The following TMC7 variants were observed in gnomAD, a reference collection of about 807,000 sequenced individuals.
The protein encoded by TMC7 is transmembrane channel-like protein 7.
Under a neutral mutation model 82.9 loss-of-function variants are expected in TMC7, and 54 were observed. The observed-to-expected ratio is 0.65, with a 90% CI of 0.52 to 0.82. TMC7 has a LOEUF of 0.82. Among genes scored for constraint, TMC7 ranks in the 40% least tolerant of loss-of-function variants. TMC7 has a pLI of 0.00. For missense variants in TMC7, 820 were observed against 901.2 expected (o/e 0.91, Z 1.15); for synonymous variants, 350 against 337.9 (o/e 1.04, Z -0.39).
chr16:19,021,314 G>A (rs1225363943), intron 3 of TMC7, among the ~76,000 whole-genome samples: 2 of 152,094 alleles, frequency 1.3e-5, no homozygotes, highest in Non-Finnish European at 2.9e-5. Context: ...ATATGTTCAG[G>A]TGATTATTTC....
chr16:19,003,426 C>G (rs2142153835), intron 1 of TMC7, among the ~76,000 whole-genome samples: 1 of 150,748 alleles, frequency 6.6e-6, no homozygotes, highest in Non-Finnish European at 1.5e-5. Context: ...AGCCCCCCTG[C>G]CCGGCCAGCC....
rs540647099 is a variant in TMC7 at position 19,045,064 on chromosome 16, A to G, written c.1455+63A>G. 98 of 1,304,756 alleles carry G rather than the reference A, an allele frequency of 7.5e-5. No individual in the cohort carries two copies. The African/African-American group carries it at 1.3e-3, about 18-fold the overall frequency. 80.8% of individuals were successfully genotyped at this position (1,304,756 alleles called of 1,614,324 possible). A position where few individuals can be genotyped will look rare whatever the true frequency, so the allele number is the denominator to read the frequency against. On this transcript the variant is annotated intron_variant, in intron 10 of 15. Transcript: ENST00000304381. ...CTTCTGGAATACAGTGTCATGGTCA[A>G]GAGAACAGCGGTTGAAGCCATGGGT... is the stretch of plus-strand genomic sequence containing the variant.
At chr16:19,051,895 CA>C in intron 13 of TMC7, 79 bp downstream of exon 13, 3 of 1,541,902 alleles carry the variant, frequency 1.9e-6, no homozygotes, top group Admixed American at 3.7e-5. Flanking sequence ...TCCGTCATAT[CA>C]CATTTTTTTT....
At chr16:19,035,489 G>A (rs1220467452) in intron 6 of TMC7, among the ~76,000 whole-genome samples, 187 bp from the exon 7 acceptor site, 1 of 152,186 alleles carries the variant, frequency 6.6e-6, no homozygotes, top group Non-Finnish European at 1.5e-5. Context: ...ATGGGTAAAA[G>A]GAAAGGATCA....
intron 1 of TMC7, among the ~76,000 whole-genome samples, chr16:18,986,388 C>A (rs2038849316): frequency 7.8e-6 from 1 of 127,482 alleles, no homozygotes; most frequent in Non-Finnish European, 1.6e-5. Flanking sequence ...GAGACTCTGT[C>A]TGAAAAAAAA....
At position 19,009,262 on chromosome 16, in the gene TMC7, G is replaced by C. The variant is rs749135812; in HGVS notation, c.158G>C (p.Arg53Thr). The change falls in exon 2 of 16, where the codon AGA (arginine) becomes ACA (threonine). Residue 53 changes from arginine (R) to threonine (T), a missense_variant. Physicochemically the swap from Arg to Thr is moderately conservative, Grantham distance 71 (BLOSUM62 -1). Coordinates refer to ENST00000304381, the MANE Select transcript of TMC7 (RefSeq NM_024847.4). The part of the protein sequence containing the change: ...LPSYRSIARR[R>T]TTVHSRDKQS... ...AGCTACCGGTCCATTGCACGTAGGA[G>C]AACGACTGTCCATTCCCGGGACAAG... 2 of 1,614,172 alleles carry C rather than the reference G, an allele frequency of 1.2e-6. No homozygotes were observed. Among genetic ancestry groups the C allele is most frequent in the Non-Finnish European group, 1.7e-6 (2 of 1,180,044 alleles).
chr16:19,040,223 G>A (rs1476601771), intron 8 of TMC7, 66 bp from the exon 9 acceptor site: 4 of 1,392,630 alleles, frequency 2.9e-6, no homozygotes, highest in South Asian at 1.5e-5. Context: ...GTTCTTTTTT[G>A]TTCTATCTAT....
Position 19,040,354 on chromosome 16 carries a change from G to C in TMC7, c.1245G>C (p.Thr415=). Residue 415 remains threonine, a synonymous_variant, in exon 9 of 16, where the codon ACG becomes ACC. Coordinates refer to ENST00000304381, the MANE Select transcript of TMC7 (RefSeq NM_024847.4). ...TGTATCTACCGTCTATTGTGATCAC[G>C]CTGGCCAATTTTATCACCCCAATGA... is the stretch of plus-strand genomic sequence containing the variant. ...FILYLPSIVI[T]LANFITPMIF... 1 of 1,613,800 alleles carries C rather than the reference G, an allele frequency of 6.2e-7. No individual in the cohort carries two copies.
intron 1 of TMC7, among the ~76,000 whole-genome samples, chr16:18,994,872 A>G (rs1412139937): frequency 6.6e-6 from 1 of 152,092 alleles, no homozygotes; most frequent in Non-Finnish European, 1.5e-5. Flanking sequence ...GTGCTGTGAG[A>G]TGGGATATTG....
At chr16:19,040,509 C>T (rs953566713) in intron 9 of TMC7, 63 bp downstream of exon 9, 1 of 1,456,564 alleles carries the variant, frequency 6.9e-7, no homozygotes, top group Non-Finnish European at 9.4e-7. Flanking sequence ...ACTCTCTTGC[C>T]CATGGCAGAC....
chr16:18,984,679 ACAG>A (rs747907680), intron 1 of TMC7: 15 of 218,144 alleles, frequency 6.9e-5, no homozygotes, highest in Non-Finnish European at 1.0e-4. Context: ...TGTGTCTAGC[ACAG>A]TGCCTGGCAT....
intron 2 of TMC7, among the ~76,000 whole-genome samples, chr16:19,014,588 C>T (rs1959578930): frequency 6.6e-6 from 1 of 152,188 alleles, no homozygotes; most frequent in Non-Finnish European, 1.5e-5. Context: ...TTTCCTCTCT[C>T]GCCTTCAGGC....
At chr16:19,008,314 A>G (rs888403932) in intron 1 of TMC7, among the ~76,000 whole-genome samples, 6 of 152,164 alleles carry the variant, frequency 3.9e-5, no homozygotes, top group Non-Finnish European at 7.3e-5. Context: ...CTCTGGCCTG[A>G]TATAGAAACG....
chr16:19,062,008 T>A lies in TMC7; in HGVS notation c.*165T>A. ...AGCTGTGTTTACCTAACCCAGCCCTTAATTAGGGCTTCAGTGACTTAGAAA... is the reference window on the plus strand; with the variant it reads ...AGCTGTGTTTACCTAACCCAGCCCTAAATTAGGGCTTCAGTGACTTAGAAA... On this transcript the variant is annotated 3_prime_UTR_variant, in exon 16 of 16. Coordinates refer to ENST00000304381, the MANE Select transcript of TMC7 (RefSeq NM_024847.4). 1 of 461,514 alleles carries A rather than the reference T, an allele frequency of 2.2e-6. No homozygotes were observed. Among genetic ancestry groups the A allele is most frequent in the Non-Finnish European group, 3.8e-6 (1 of 265,488 alleles). 28.6% of individuals were successfully genotyped at this position (461,514 alleles called of 1,614,324 possible).
intron 12 of TMC7, among the ~76,000 whole-genome samples, chr16:19,049,249 C>G (rs1961418987): frequency 1.3e-5 from 2 of 152,140 alleles, no homozygotes; most frequent in Non-Finnish European, 2.9e-5. Context: ...GTCTCCAACT[C>G]CTGGCCTCAA....
chr16:19,012,421 A>G (rs1452434834), intron 2 of TMC7, among the ~76,000 whole-genome samples: 4 of 152,140 alleles, frequency 2.6e-5, no homozygotes, highest in Non-Finnish European at 5.9e-5. Flanking sequence ...TTCCAGGCTC[A>G]CTGGAAAAAT....
intron 6 of TMC7, 40 bp downstream of exon 6, chr16:19,030,409 T>C (rs1405029058): frequency 1.9e-6 from 3 of 1,582,126 alleles, no homozygotes; most frequent in Admixed American, 1.8e-5. Flanking sequence ...TTACCCCTGA[T>C]GGCTGGAGGC....
At chr16:19,007,680 A>AAT (rs1567506666) in intron 1 of TMC7, among the ~76,000 whole-genome samples, 71 of 151,438 alleles carry the variant, frequency 4.7e-4, no homozygotes, top group East Asian at 5.8e-4. Context: ...AAAAAAAAAA[A>AAT]AAATAAATAA....
intron 6 of TMC7, among the ~76,000 whole-genome samples, chr16:19,034,103 A>C (rs534793051): frequency 3.2e-4 from 48 of 152,352 alleles, no homozygotes; most frequent in Non-Finnish European, 4.6e-4. Context: ...ACAGGTGCTC[A>C]CTAAATAGTT....
Sources: gnomAD v4.1 joint callset for allele counts (sites outside exome capture counted in the v4.1 genomes callset) on GRCh38, gnomAD v4.1.1 for gene constraint, MANE v1.5 for transcripts, NCBI Gene and HGNC (gene_info 2026-07-23, HGNC 2026-07-21) for gene names.